The following NEGR1 variants were observed in gnomAD, a reference collection of about 807,000 sequenced individuals.
NEGR1 encodes neuronal growth regulator 1, also known as IgLON family member 4.
A neutral mutation model predicts 40.9 loss-of-function variants in NEGR1; 10 were observed. The observed-to-expected ratio is 0.24, with a 90% confidence interval of 0.15 to 0.42. NEGR1 has a LOEUF of 0.42. Among genes scored for constraint, NEGR1 ranks in the 10% least tolerant of loss-of-function variants. The probability of loss-of-function intolerance (pLI) is 1.00; values close to 1 mark genes in which losing one functional copy is unlikely to be tolerated. For synonymous variants in NEGR1, 185 were observed against 166.8 expected (o/e 1.11, Z -0.84); for missense variants, 352 against 438.9 (o/e 0.80, Z 1.77).
chr1:71,638,063 G>T (rs965780938), intron 4 of NEGR1, among the ~76,000 whole-genome samples: 6 of 152,080 alleles, frequency 3.9e-5, no homozygotes, highest in Non-Finnish European at 7.4e-5. Flanking sequence ...TAGCTGATAA[G>T]TTGGATTCAA....
At chr1:71,711,228 C>T (rs1237379968) in intron 3 of NEGR1, among the ~76,000 whole-genome samples, 1 of 149,968 alleles carries the variant, frequency 6.7e-6, no homozygotes, top group Non-Finnish European at 1.5e-5. Flanking sequence ...GCCTGCAGTC[C>T]CAGCTACGCG....
intron 1 of NEGR1, among the ~76,000 whole-genome samples, chr1:72,124,728 A>G (rs1649943843): frequency 6.6e-6 from 1 of 152,062 alleles, no homozygotes; most frequent in African/African-American, 2.4e-5. Flanking sequence ...TCGGCATTGG[A>G]TACTTTTCAT....
At chr1:72,211,864 A>C (rs1317751693) in intron 1 of NEGR1, among the ~76,000 whole-genome samples, 2 of 151,852 alleles carry the variant, frequency 1.3e-5, no homozygotes, top group African/African-American at 4.8e-5. Flanking sequence ...GAGATAAACC[A>C]TAGACTCTGC....
chr1:71,848,200 C>A (rs1659486337), intron 2 of NEGR1, among the ~76,000 whole-genome samples: 1 of 152,278 alleles, frequency 6.6e-6, no homozygotes, highest in Non-Finnish European at 1.5e-5. Flanking sequence ...GTTTCCATAA[C>A]ATAAAATTGC....
chr1:72,051,228 A>G (rs1417226926), intron 1 of NEGR1, among the ~76,000 whole-genome samples: 2 of 151,518 alleles, frequency 1.3e-5, no homozygotes, highest in African/African-American at 4.8e-5. Context: ...ATTTTTGATA[A>G]GGTACCTTAC....
At chr1:72,280,854 ATGT>A (rs770069399) in intron 1 of NEGR1, among the ~76,000 whole-genome samples, 57 of 152,150 alleles carry the variant, frequency 3.7e-4, no homozygotes, top group Admixed American at 3.3e-3. Context: ...ATGTACACTG[ATGT>A]TGTGCAAGCC....
intron 1 of NEGR1, among the ~76,000 whole-genome samples, chr1:72,178,490 A>G (rs1343923337): frequency 6.6e-6 from 1 of 151,698 alleles, no homozygotes; most frequent in Non-Finnish European, 1.5e-5. Context: ...TAGGACACCA[A>G]TGACTCACAG....
At chr1:71,502,734 C>A (rs1316439437) in intron 6 of NEGR1, among the ~76,000 whole-genome samples, 1 of 152,182 alleles carries the variant, frequency 6.6e-6, no homozygotes, top group East Asian at 1.9e-4. Flanking sequence ...AACCAGGCAA[C>A]CTCGTGCATG....
chr1:71,558,160 A>G (rs145241919), intron 6 of NEGR1, among the ~76,000 whole-genome samples: 55 of 151,674 alleles, frequency 3.6e-4, no homozygotes, highest in African/African-American at 1.3e-3. Context: ...TCTCCACTGT[A>G]AAGTGACTAT....
intron 6 of NEGR1, among the ~76,000 whole-genome samples, chr1:71,433,737 C>T: frequency 6.6e-6 from 1 of 152,122 alleles, no homozygotes; most frequent in East Asian, 1.9e-4. Context: ...TATGGGAGTA[C>T]AATTCAAGAT....
At chr1:71,569,021 A>G (rs1433631950) in intron 6 of NEGR1, among the ~76,000 whole-genome samples, 1 of 151,216 alleles carries the variant, frequency 6.6e-6, no homozygotes, top group Non-Finnish European at 1.5e-5. Context: ...GGTTCACATG[A>G]TTCTCCTGCC....
chr1:71,846,830 T>C (rs1275820286), intron 2 of NEGR1, among the ~76,000 whole-genome samples: 1 of 152,144 alleles, frequency 6.6e-6, no homozygotes, highest in Non-Finnish European at 1.5e-5. Context: ...CTTTGATAAA[T>C]GCACTAATCT....
At chr1:72,204,820 T>C (rs561494289) in intron 1 of NEGR1, among the ~76,000 whole-genome samples, 2 of 152,266 alleles carry the variant, frequency 1.3e-5, no homozygotes, top group Non-Finnish European at 2.9e-5. Flanking sequence ...TGTAATTAAA[T>C]ATGTTAATAG....
intron 2 of NEGR1, among the ~76,000 whole-genome samples, chr1:71,902,306 A>G (rs906257874): frequency 6.6e-6 from 1 of 152,222 alleles, no homozygotes; most frequent in African/African-American, 2.4e-5. Flanking sequence ...TATTCGTTAA[A>G]GCTTGTTTAA....
intron 2 of NEGR1, among the ~76,000 whole-genome samples, chr1:71,907,931 T>C (rs1326735078): frequency 6.6e-6 from 1 of 152,102 alleles, no homozygotes; most frequent in Non-Finnish European, 1.5e-5. Flanking sequence ...TGTTCTCACT[T>C]ACAAGTGGGA....
chr1:71,809,423 C>A (rs1354048056), intron 2 of NEGR1, among the ~76,000 whole-genome samples: 1 of 152,120 alleles, frequency 6.6e-6, no homozygotes, highest in Non-Finnish European at 1.5e-5. Context: ...TTGCCATAAT[C>A]ATTTATTCAC....
intron 1 of NEGR1, among the ~76,000 whole-genome samples, chr1:72,173,145 TACAGGTGTGTGCCA>T (rs1025957532): frequency 1.8e-4 from 28 of 151,402 alleles, no homozygotes; most frequent in Non-Finnish European, 3.5e-4. Flanking sequence ...TAGCTGGGAC[TACAGGTGTGTGCCA>T]GCACACCTGG....
intron 1 of NEGR1, among the ~76,000 whole-genome samples, chr1:72,200,000 G>A (rs1234943614): frequency 6.6e-6 from 1 of 151,916 alleles, no homozygotes; most frequent in African/African-American, 2.4e-5. Flanking sequence ...AGTCAGAATG[G>A]TTATAATCAA....
intron 6 of NEGR1, among the ~76,000 whole-genome samples, chr1:71,434,084 T>C (rs1325583259): frequency 1.3e-5 from 2 of 152,274 alleles, no homozygotes; most frequent in East Asian, 1.9e-4. Flanking sequence ...GGTCCACTTA[T>C]ACATAGATTT....
Sources: allele counts gnomAD v4.1 joint callset (sites outside exome capture counted in the v4.1 genomes callset), GRCh38; gene constraint gnomAD v4.1.1; transcripts MANE v1.5; gene names NCBI Gene and HGNC (gene_info 2026-07-23, HGNC 2026-07-21).